The following NR3C1 variants were observed in gnomAD, a reference collection of about 807,000 sequenced individuals.
The protein encoded by NR3C1 is nuclear receptor subfamily 3 group C member 1.
In NR3C1, 14 loss-of-function variants were observed where a neutral mutation model predicts 74.0. The observed-to-expected ratio is 0.19, with a 90% confidence interval of 0.12 to 0.30. NR3C1 has a LOEUF of 0.30. Ranked by LOEUF, NR3C1 falls within the 10% of genes least tolerant of loss-of-function variation. NR3C1 has a pLI of 1.00. For missense variants in NR3C1, 695 were observed against 909.8 expected, an observed-to-expected ratio of 0.76 and a Z score of 3.04; for synonymous variants, 308 against 332.5, an observed-to-expected ratio of 0.93 and a Z score of 0.80.
At chr5:143,424,069 T>G (rs1228814044) in intron 1 of NR3C1, among the ~76,000 whole-genome samples, 590 of 28,604 alleles carry the variant, frequency 0.021, 3 homozygotes, top group South Asian at 0.12. Flanking sequence ...TTGTGGGGTG[T>G]GGGGAGGGGG....
intron 2 of NR3C1, among the ~76,000 whole-genome samples, chr5:143,361,256 G>A (rs1334069959): frequency 6.6e-6 from 1 of 151,844 alleles, no homozygotes; most frequent in East Asian, 1.9e-4. Flanking sequence ...TTGAAACCTT[G>A]GTCTGGATTA....
intron 2 of NR3C1, among the ~76,000 whole-genome samples, chr5:143,372,845 T>C (rs1834457927): frequency 2.6e-5 from 4 of 152,222 alleles, no homozygotes; most frequent in East Asian, 1.9e-4. Context: ...TAATTTAACA[T>C]ACTTATTTTA....
rs1243117989 is a variant in NR3C1, at chr5:143,403,440, G to A, written c.-243C>T. ...AGCCCTCCGCCCCGCGCCGGGCTCCGCGGGTCGAGGTTCCGGGCGCGCGTG... is the reference window on the plus strand; with the variant it reads ...AGCCCTCCGCCCCGCGCCGGGCTCCACGGGTCGAGGTTCCGGGCGCGCGTG... On this transcript the variant is annotated 5_prime_UTR_variant, in exon 1 of 9. Coordinates refer to ENST00000394464, the MANE Select transcript of NR3C1 (RefSeq NM_000176.3). 9.5e-6 allele frequency: 8 copies of A among 838,902 alleles called. No individual in the cohort carries two copies. Among genetic ancestry groups the A allele is most frequent in the South Asian group, 6.1e-5 (1 of 16,464 alleles). The allele number at this position is 838,902 out of a possible 1,614,324, so 52.0% of individuals were successfully genotyped here.
intron 2 of NR3C1, among the ~76,000 whole-genome samples, chr5:143,374,750 G>A (rs533779984): frequency 1.3e-5 from 2 of 152,192 alleles, no homozygotes; most frequent in Admixed American, 6.5e-5. Flanking sequence ...CAGGCTCCAG[G>A]CTGACATACG....
At chr5:143,374,638 C>T (rs1834843486) in intron 2 of NR3C1, among the ~76,000 whole-genome samples, 1 of 151,950 alleles carries the variant, frequency 6.6e-6, no homozygotes, top group Non-Finnish European at 1.5e-5. Flanking sequence ...AGACAGTATA[C>T]AGAAATCTAT....
chr5:143,383,022 C>T (rs763321213), intron 2 of NR3C1, among the ~76,000 whole-genome samples: 2 of 152,246 alleles, frequency 1.3e-5, no homozygotes, highest in Non-Finnish European at 2.9e-5. Flanking sequence ...CCTGGCAGAG[C>T]AGGCACTAAG....
Position 143,295,319 on chromosome 5 carries a change from A to ACATT in NR3C1, c.2023+137_2023+140dup. ...ACTTACTGTGCCTTTCTAATATTTT[A>ACATT]CATTCATAAAAATCATCTGACTAGT... On this transcript the variant is annotated intron_variant, in intron 7 of 8. Coordinates refer to ENST00000394464, the MANE Select transcript of NR3C1 (RefSeq NM_000176.3). 6.4e-6 allele frequency: 9 copies of ACATT among 1,395,866 alleles called. No homozygotes were observed. In the South Asian group the frequency reaches 1.4e-4, roughly 21 times the overall value. 86.5% of individuals were successfully genotyped at this position (1,395,866 alleles called of 1,614,324 possible). A position where few individuals can be genotyped will look rare whatever the true frequency, so the allele number is the denominator to read the frequency against.
intron 2 of NR3C1, among the ~76,000 whole-genome samples, chr5:143,344,302 T>C (rs1185870986): frequency 1.3e-5 from 2 of 152,224 alleles, no homozygotes; most frequent in Non-Finnish European, 2.9e-5. Flanking sequence ...CAGCATGTCC[T>C]GATAGTACAC....
At chr5:143,282,367 A>G (rs936827397) in intron 8 of NR3C1, among the ~76,000 whole-genome samples, 5 of 150,836 alleles carry the variant, frequency 3.3e-5, no homozygotes, top group Admixed American at 6.6e-5. Flanking sequence ...TATACACATG[A>G]CTAGGTGAAA....
intron 2 of NR3C1, among the ~76,000 whole-genome samples, chr5:143,341,689 A>G (rs905860822): frequency 3.9e-5 from 6 of 152,160 alleles, no homozygotes; most frequent in African/African-American, 1.4e-4. Context: ...TTTAATATAA[A>G]CCTGTTCTTA....
At chr5:143,398,939 C>A (rs1421600753) in intron 2 of NR3C1, among the ~76,000 whole-genome samples, 1 of 152,152 alleles carries the variant, frequency 6.6e-6, no homozygotes, top group African/African-American at 2.4e-5. Flanking sequence ...TACTTGAGAA[C>A]TTGCAGGAAC....
At chr5:143,373,774 G>A (rs115718771) in intron 2 of NR3C1, among the ~76,000 whole-genome samples, 802 of 152,262 alleles carry the variant, frequency 5.3e-3, no homozygotes, top group Middle Eastern at 0.034. Context: ...TCCTGCAGAT[G>A]GGAAGGGAGG....
chr5:143,381,362 T>C (rs1454508525), intron 2 of NR3C1, among the ~76,000 whole-genome samples: 1 of 152,022 alleles, frequency 6.6e-6, no homozygotes, highest in Non-Finnish European at 1.5e-5. Context: ...ATGTCCATAC[T>C]ACCCAAAGCA....
At chr5:143,307,396 G>C (rs1819868585) in intron 4 of NR3C1, among the ~76,000 whole-genome samples, 1 of 152,066 alleles carries the variant, frequency 6.6e-6, no homozygotes, top group Admixed American at 6.6e-5. Flanking sequence ...AGATTTCGTA[G>C]CCTAGTCCAT....
At chr5:143,318,435 T>G (rs189378581) in intron 2 of NR3C1, among the ~76,000 whole-genome samples, 29 of 152,288 alleles carry the variant, frequency 1.9e-4, no homozygotes, top group Admixed American at 1.9e-3. Flanking sequence ...GATTTTGTAT[T>G]ATCATGCATT....
At position 143,280,666 on chromosome 5, in the gene NR3C1, C is replaced by A. The variant is rs776170570; in HGVS notation, c.*1223G>T. 2 of 152,502 alleles carry A rather than the reference C, an allele frequency of 1.3e-5. No individual in the cohort carries two copies. Among genetic ancestry groups the A allele is most frequent in the Non-Finnish European group, 2.9e-5 (2 of 68,014 alleles). The allele number at this position is 152,502 out of a possible 1,614,324, so 9.4% of individuals were successfully genotyped here. A position where few individuals can be genotyped will look rare whatever the true frequency, so the allele number is the denominator to read the frequency against. ...ACATACAGTTCTAAATCACAAAAAT[C>A]AGTAGCTGAGCTTTCCTGTACCATC... On this transcript the variant is annotated 3_prime_UTR_variant, in exon 9 of 9. Transcript: ENST00000394464.
rs562454278 is a variant in NR3C1 at position 143,388,704 on chromosome 5, G to A, written c.1184+10952C>T. On this transcript the variant is annotated intron_variant, in intron 2 of 8. Coordinates refer to ENST00000394464, the MANE Select transcript of NR3C1 (RefSeq NM_000176.3). The stretch of plus-strand genomic sequence containing the variant: ...GGGTATCTGGGGAAAGAACATTTCA[G>A]GTAAATTTTCCTCAGATTTGGGCTT... Among the ~76,000 whole-genome samples the A allele has an allele frequency of 2.6e-5, 4 of 152,272 alleles. No homozygotes were observed. In the East Asian group the frequency reaches 7.7e-4, roughly 29 times the overall value.
chr5:143,339,269 T>C (rs545343795), intron 2 of NR3C1, among the ~76,000 whole-genome samples: 67 of 152,238 alleles, frequency 4.4e-4, no homozygotes, highest in African/African-American at 1.3e-3. Flanking sequence ...AAATAAAAAA[T>C]AGAAAAAGAA....
chr5:143,402,791 C>CAA, intron 1 of NR3C1: 1 of 985,396 alleles, frequency 1.0e-6, no homozygotes, highest in Non-Finnish European at 1.2e-6. Flanking sequence ...GGGTGGCGTG[C>CAA]AAATATTCGG....
Sources: gnomAD v4.1 joint callset for allele counts (sites outside exome capture counted in the v4.1 genomes callset) on GRCh38, gnomAD v4.1.1 for gene constraint, MANE v1.5 for transcripts, NCBI Gene and HGNC (gene_info 2026-07-23, HGNC 2026-07-21) for gene names.